The following MCTP2 variants were observed in gnomAD, a reference collection of about 807,000 sequenced individuals.
MCTP2 encodes multiple C2 and transmembrane domain containing 2.
In MCTP2, 132 loss-of-function variants were observed where a neutral mutation model predicts 111.6. The observed-to-expected ratio is 1.18, with a 90% CI of 1.03 to 1.37. The LOEUF (loss-of-function observed/expected upper bound fraction) is 1.37. Among genes scored for constraint, MCTP2 ranks in the 40% most tolerant of loss-of-function variants. The pLI, the probability that MCTP2 is intolerant of heterozygous loss-of-function variation, is 0.00. For missense variants in MCTP2, 1,183 were observed against 1,067.9 expected (o/e 1.11, Z -1.50); for synonymous variants, 395 against 387.7 (o/e 1.02, Z -0.22).
intron 14 of MCTP2, among the ~76,000 whole-genome samples, chr15:94,396,496 A>G (rs2081288264): frequency 6.6e-6 from 1 of 152,116 alleles, no homozygotes; most frequent in Admixed American, 6.5e-5. Context: ...AAATGCTCTC[A>G]TGTAGGAGTT....
chr15:94,334,052 GA>G (rs1394412018), intron 4 of MCTP2, among the ~76,000 whole-genome samples: 3 of 152,022 alleles, frequency 2.0e-5, no homozygotes, highest in Non-Finnish European at 4.4e-5. Context: ...TAAAATAAAT[GA>G]ATATTTAATT....
At chr15:94,326,437 T>C (rs2076874322) in intron 4 of MCTP2, among the ~76,000 whole-genome samples, 1 of 152,218 alleles carries the variant, frequency 6.6e-6, no homozygotes, top group Admixed American at 6.5e-5. Context: ...TGTTATATGA[T>C]CTGAGCATTT....
chr15:94,472,954 G>GTT (rs923264190), intron 21 of MCTP2, among the ~76,000 whole-genome samples: 3 of 151,996 alleles, frequency 2.0e-5, no homozygotes, highest in African/African-American at 7.3e-5. Flanking sequence ...AGTTTTAGTG[G>GTT]TTTTTCTAAC....
chr15:94,438,838 T>C (rs1389948343), intron 17 of MCTP2, among the ~76,000 whole-genome samples: 1 of 152,188 alleles, frequency 6.6e-6, no homozygotes, highest in East Asian at 1.9e-4. Context: ...TGTGGTATGA[T>C]TTATCACTCT....
At position 94,479,442 on chromosome 15, in the gene MCTP2, C is replaced by G. The variant is rs570984243; in HGVS notation, c.*408C>G. 1 of 198,690 alleles carries G rather than the reference C, an allele frequency of 5.0e-6. No individual in the cohort carries two copies. The highest frequency in any genetic ancestry group is 1.0e-5 in the Non-Finnish European group (1 of 96,130). The allele number at this position is 198,690 out of a possible 1,614,324, so 12.3% of individuals were successfully genotyped here. ...AGATTCAGTTATTTCCGCTCCCCAG[C>G]CCCACACTCCTTTCAGATTATCGTT... On this transcript the variant is annotated 3_prime_UTR_variant, in exon 23 of 23. Transcript: ENST00000357742.
chr15:94,379,070 G>GTTTT, intron 12 of MCTP2, among the ~76,000 whole-genome samples: 1 of 144,330 alleles, frequency 6.9e-6, no homozygotes, highest in African/African-American at 2.5e-5. Context: ...TTTGTTTTTT[G>GTTTT]TTTTTTTTTT....
At position 94,340,959 on chromosome 15, in the gene MCTP2, A is replaced by T. The variant is rs772616613; in HGVS notation, c.969+35A>T. 3.6e-6 allele frequency: 5 copies of T among 1,381,424 alleles called. No individual in the cohort carries two copies. The African/African-American group carries it at 7.2e-5, about 20-fold the overall frequency. The allele number at this position is 1,381,424 out of a possible 1,614,324, so 85.6% of individuals were successfully genotyped here. On this transcript the variant is annotated intron_variant, in intron 7 of 22. Transcript: ENST00000357742. Reference sequence around the variant, plus strand: ...ACCTTCTATTCTTTTGAAACCTCTCATTTTGTCGTTTTGAAATGGCTCATT... The same window carrying T: ...ACCTTCTATTCTTTTGAAACCTCTCTTTTTGTCGTTTTGAAATGGCTCATT...
chr15:94,307,746 G>A (rs913952701), intron 2 of MCTP2, among the ~76,000 whole-genome samples: 1 of 152,134 alleles, frequency 6.6e-6, no homozygotes, highest in African/African-American at 2.4e-5. Context: ...CAAAAGATAT[G>A]GAGAAATGGC....
At chr15:94,352,781 G>T (rs1042641822) in intron 8 of MCTP2, among the ~76,000 whole-genome samples, 3 of 152,204 alleles carry the variant, frequency 2.0e-5, no homozygotes, top group Admixed American at 1.3e-4. Flanking sequence ...AGGGGTGTTT[G>T]AAGAGCACAA....
intron 12 of MCTP2, 88 bp from the exon 13 acceptor site, chr15:94,383,934 G>C: frequency 1.0e-6 from 1 of 961,096 alleles, no homozygotes. Context: ...CTTTCAGCAA[G>C]CACAACTTTA....
intron 4 of MCTP2, among the ~76,000 whole-genome samples, chr15:94,325,626 G>A (rs1176227284): frequency 6.6e-6 from 1 of 151,790 alleles, no homozygotes; most frequent in East Asian, 1.9e-4. Flanking sequence ...CTGTGAAACA[G>A]GAGAAATGAG....
chr15:94,298,062 T>C (rs1268937541), intron 1 of MCTP2, 139 bp from the exon 2 acceptor site: 1 of 451,186 alleles, frequency 2.2e-6, no homozygotes, highest in Non-Finnish European at 3.9e-6. Context: ...CAATCAAATG[T>C]TGCAGTCTTA....
chr15:94,454,345 T>C (rs1413433457), intron 19 of MCTP2, among the ~76,000 whole-genome samples: 1 of 152,198 alleles, frequency 6.6e-6, no homozygotes, highest in Non-Finnish European at 1.5e-5. Flanking sequence ...GATGCACTAA[T>C]TATTCATAAT....
At chr15:94,322,545 C>T (rs923367376) in intron 4 of MCTP2, among the ~76,000 whole-genome samples, 5 of 152,138 alleles carry the variant, frequency 3.3e-5, no homozygotes, top group Admixed American at 3.3e-4. Flanking sequence ...AATTTATTTA[C>T]AAAAACAGGC....
At chr15:94,261,460 A>G (rs187635763) in intron 1 of MCTP2, among the ~76,000 whole-genome samples, 1 of 152,360 alleles carries the variant, frequency 6.6e-6, no homozygotes, top group African/African-American at 2.4e-5. Context: ...ACCGGTGGCC[A>G]GGCAGGCTGT....
chr15:94,468,019 A>G (rs562015870), intron 20 of MCTP2, among the ~76,000 whole-genome samples: 1 of 151,850 alleles, frequency 6.6e-6, no homozygotes, highest in Non-Finnish European at 1.5e-5. Flanking sequence ...CTAGACATTG[A>G]CAAGGAAAAA....
intron 1 of MCTP2, among the ~76,000 whole-genome samples, chr15:94,236,724 A>G (rs996630803): frequency 1.3e-5 from 2 of 152,186 alleles, no homozygotes; most frequent in East Asian, 1.9e-4. Flanking sequence ...CAAAACAGAC[A>G]TGATCCCCAT....
At chr15:94,353,851 A>G (rs1318746178) in intron 8 of MCTP2, among the ~76,000 whole-genome samples, 2 of 152,220 alleles carry the variant, frequency 1.3e-5, no homozygotes, top group African/African-American at 2.4e-5. Context: ...TGTATTCAGT[A>G]TATCGATATC....
intron 19 of MCTP2, among the ~76,000 whole-genome samples, chr15:94,444,161 A>G (rs1480301792): frequency 6.6e-6 from 1 of 152,070 alleles, no homozygotes; most frequent in African/African-American, 2.4e-5. Flanking sequence ...AAATTTAGGG[A>G]AATATTTTCT....
Sources: gnomAD v4.1 joint callset for allele counts (sites outside exome capture counted in the v4.1 genomes callset) on GRCh38, gnomAD v4.1.1 for gene constraint, MANE v1.5 for transcripts, NCBI Gene and HGNC (gene_info 2026-07-23, HGNC 2026-07-21) for gene names.